DHX29: variants seen among roughly 807,000 people sequenced by gnomAD.
The protein encoded by DHX29 is ATP-dependent RNA helicase DHX29.
A neutral mutation model predicts 167.9 loss-of-function variants in DHX29; 79 were observed. The ratio of observed to expected loss-of-function variants is 0.47; its 90% CI spans 0.39 to 0.57. The LOEUF is 0.57. Among genes scored for constraint, DHX29 ranks in the 20% least tolerant of loss-of-function variants. The pLI, the probability that DHX29 is intolerant of heterozygous loss-of-function variation, is 0.00. For synonymous variants in DHX29, 530 were observed against 546.0 expected, an observed-to-expected ratio of 0.97 and a Z score of 0.41; for missense variants, 1,347 against 1,593.4, an observed-to-expected ratio of 0.85 and a Z score of 2.63.
At position 55,261,558 on chromosome 5, in the gene DHX29, T is replaced by C. The variant is rs1465336264; in HGVS notation, c.3829-59A>G. 3 of 1,084,006 alleles carry C rather than the reference T, an allele frequency of 2.8e-6. No homozygotes were observed. The East Asian group carries it at 7.3e-5, about 26-fold the overall frequency. 67.1% of individuals were successfully genotyped at this position (1,084,006 alleles called of 1,614,324 possible). On this transcript the variant is annotated intron_variant, in intron 24 of 26. Coordinates refer to ENST00000251636, the MANE Select transcript of DHX29 (RefSeq NM_019030.4). ...AATATAAAAATAGAAGGAGGTCATT[T>C]ATCTTTTTCAAGTAAGCATTTTTCT...
Position 55,272,413 on chromosome 5 carries a change from C to T in DHX29, c.2776-238G>A, listed in dbSNP as rs529733755. On this transcript the variant is annotated intron_variant, in intron 17 of 26. Transcript: ENST00000251636. ...TTTATTCCAACAAAAATACCACTCC[C>T]CTAATTCTAGTCAATCTCTTAAAAA... is the stretch of plus-strand genomic sequence containing the variant. Among the ~76,000 whole-genome samples the T allele has an allele frequency of 1.6e-4, 24 of 152,248 alleles. No individual in the cohort carries two copies. In the South Asian group the frequency reaches 2.7e-3, roughly 17 times the overall value.
At chr5:55,304,309 CTTT>C (rs397882409) in intron 1 of DHX29, among the ~76,000 whole-genome samples, 2 of 112,652 alleles carry the variant, frequency 1.8e-5, no homozygotes, top group African/African-American at 3.8e-5. Context: ...TCAAATGTCA[CTTT>C]TTTTTTTTTT....
At chr5:55,300,980 C>T (rs919280069) in intron 1 of DHX29, among the ~76,000 whole-genome samples, 1 of 152,114 alleles carries the variant, frequency 6.6e-6, no homozygotes, top group African/African-American at 2.4e-5. Context: ...TGGCCATCAT[C>T]TTGCTATATG....
intron 1 of DHX29, among the ~76,000 whole-genome samples, chr5:55,307,026 G>A (rs1748904064): frequency 6.6e-6 from 1 of 152,206 alleles, no homozygotes; most frequent in Non-Finnish European, 1.5e-5. Context: ...GCTGGCACCA[G>A]GAGGTCAGGA....
At chr5:55,269,849 G>A (rs901706346) in intron 20 of DHX29, among the ~76,000 whole-genome samples, 1 of 151,636 alleles carries the variant, frequency 6.6e-6, no homozygotes, top group East Asian at 1.9e-4. Context: ...GGGTGGGGAG[G>A]GAATAAGGAT....
intron 1 of DHX29, among the ~76,000 whole-genome samples, chr5:55,299,245 TC>T (rs1338964176): frequency 6.6e-6 from 1 of 152,186 alleles, no homozygotes; most frequent in Non-Finnish European, 1.5e-5. Flanking sequence ...TCTATCTTTA[TC>T]CTCATATCTT....
intron 25 of DHX29, among the ~76,000 whole-genome samples, chr5:55,260,469 G>A (rs1341691284): frequency 6.6e-6 from 1 of 152,190 alleles, no homozygotes; most frequent in Non-Finnish European, 1.5e-5. Context: ...CTGACCTCAT[G>A]ATCCACCTGC....
chr5:55,269,276 A>T, intron 21 of DHX29, 137 bp downstream of exon 21: 1 of 724,418 alleles, frequency 1.4e-6, no homozygotes, highest in Non-Finnish European at 2.2e-6. Flanking sequence ...TCAAGCATTC[A>T]GGCCCTCTCG....
intron 1 of DHX29, among the ~76,000 whole-genome samples, chr5:55,306,825 A>G (rs1748890042): frequency 6.6e-6 from 1 of 152,200 alleles, no homozygotes; most frequent in Non-Finnish European, 1.5e-5. Flanking sequence ...TGTCAAATCA[A>G]TTTGTACAGT....
At chr5:55,289,010 A>C (rs1170576436) in intron 8 of DHX29, among the ~76,000 whole-genome samples, 2 of 152,222 alleles carry the variant, frequency 1.3e-5, no homozygotes, top group African/African-American at 4.8e-5. Context: ...GATCTGTATT[A>C]TAGAAAGATA....
Position 55,283,623 on chromosome 5 carries a change from T to C in DHX29, c.1545A>G (p.Glu515=), listed in dbSNP as rs762885123. Residue 515 remains glutamate, a synonymous_variant, in exon 11 of 27, where the codon GAA becomes GAG. Coordinates refer to ENST00000251636, the MANE Select transcript of DHX29 (RefSeq NM_019030.4). ...AAGATTCCTCGGGATCTTCAGAGTT[T>C]TCTCTCTTATTTTCAGAATGCTGTT... is the stretch of plus-strand genomic sequence containing the variant. ...QQQQHSENKR[E]NSEDPEESWE... 3 of 1,614,014 alleles carry C rather than the reference T, an allele frequency of 1.9e-6. No individual in the cohort carries two copies. The highest frequency in any genetic ancestry group is 3.3e-5 in the Admixed American group (2 of 59,978).
chr5:55,257,829 T>C (rs1048234904), intron 26 of DHX29, among the ~76,000 whole-genome samples: 1 of 152,232 alleles, frequency 6.6e-6, no homozygotes, highest in African/African-American at 2.4e-5. Context: ...AAAAATCATT[T>C]TGCTTAATTA....
intron 1 of DHX29, among the ~76,000 whole-genome samples, 176 bp from the exon 2 acceptor site, chr5:55,298,840 C>G (rs970064355): frequency 1.3e-5 from 2 of 150,904 alleles, no homozygotes; most frequent in Non-Finnish European, 3.0e-5. Flanking sequence ...ACCATCCTGG[C>G]TAACAAGGTG....
At chr5:55,295,801 C>T (rs891651818) in intron 4 of DHX29, among the ~76,000 whole-genome samples, 6 of 152,206 alleles carry the variant, frequency 3.9e-5, no homozygotes, top group Non-Finnish European at 8.8e-5. Flanking sequence ...CTTAATCCTT[C>T]CCACTCTTTG....
At chr5:55,290,523 T>C (rs923956537) in intron 6 of DHX29, among the ~76,000 whole-genome samples, 179 bp from the exon 7 acceptor site, 1 of 152,206 alleles carries the variant, frequency 6.6e-6, no homozygotes, top group East Asian at 1.9e-4. Flanking sequence ...TGCAGGTGCA[T>C]AGATGTTTGG....
rs753033953 is a variant in DHX29 at position 55,276,418 on chromosome 5, A to G, written c.2287-12T>C. ...TCAAGATGAAAAACCTGCATAGAAT[A>G]AGGCATATAAATGGGTGAATTCAAA... On this transcript the variant is annotated splice_polypyrimidine_tract_variant and intron_variant, in intron 13 of 26. Coordinates refer to ENST00000251636, the MANE Select transcript of DHX29 (RefSeq NM_019030.4). 1.5e-5 allele frequency: 24 copies of G among 1,572,970 alleles called. No individual in the cohort carries two copies. The highest frequency in any genetic ancestry group is 2.0e-5 in the Admixed American group (1 of 49,450).
At position 55,297,339 on chromosome 5, in the gene DHX29, C is replaced by T; in HGVS notation, c.321G>A (p.Lys107=). 1.2e-6 allele frequency: 2 copies of T among 1,601,012 alleles called. No individual in the cohort carries two copies. Among genetic ancestry groups the T allele is most frequent in the Non-Finnish European group, 1.7e-6 (2 of 1,169,754 alleles). The change falls in exon 3 of 27, where the codon AAG becomes AAA. Residue 107 remains lysine, a synonymous_variant. Transcript: ENST00000251636. ...RIIGVINEHK[K]QNNDKGMISG... Reference sequence around the variant, plus strand: ...AAATCATTCCTTTGTCATTATTTTGCTTTTTATGCTCATTGATCACTCCAA... The same window carrying T: ...AAATCATTCCTTTGTCATTATTTTGTTTTTTATGCTCATTGATCACTCCAA...
Position 55,262,768 on chromosome 5 carries a change from C to T in DHX29, c.3690G>A (p.Lys1230=). The T allele has an allele frequency of 6.2e-7, 1 of 1,614,092 alleles. No individual in the cohort carries two copies. Among genetic ancestry groups the T allele is most frequent in the Non-Finnish European group, 8.5e-7 (1 of 1,179,990 alleles). The stretch of plus-strand genomic sequence containing the variant: ...CATCCACTGACTTTGTATAGATTAT[C>T]TTCCCCACATTGTCATACAGTCCAG... The part of the protein sequence containing the change: ...LVAGLYDNVG[K]IIYTKSVDVT... The change falls in exon 24 of 27, where the codon AAG becomes AAA. Residue 1230 remains lysine, a synonymous_variant. Transcript: ENST00000251636.
rs370373535 is a variant in DHX29 at position 55,277,152 on chromosome 5, G to A, written c.2240C>T (p.Thr747Ile). ...TGAAATTCTGAGAATGGGGCAGTGT[G>A]TGAAATATGTAGAAAATTTTTCGCT... ...VDSEKFSTYF[T>I]HCPILRISGR... Residue 747 changes from threonine (T) to isoleucine (I), a missense_variant, in exon 13 of 27, where the codon ACA becomes ATA. Transcript: ENST00000251636. 3 of 1,612,828 alleles carry A rather than the reference G, an allele frequency of 1.9e-6. No individual in the cohort carries two copies. The highest frequency in any genetic ancestry group is 2.5e-6 in the Non-Finnish European group (3 of 1,179,334).
Sources: gnomAD v4.1 joint callset for allele counts (sites outside exome capture counted in the v4.1 genomes callset) on GRCh38, gnomAD v4.1.1 for gene constraint, MANE v1.5 for transcripts, NCBI Gene and HGNC (gene_info 2026-07-23, HGNC 2026-07-21) for gene names.